Variants in SAMD12 observed in about 807,000 individuals in gnomAD.
The protein encoded by SAMD12 is sterile alpha motif domain containing 12.
In SAMD12, 9 loss-of-function variants were observed where a neutral mutation model predicts 15.0. That is an observed-to-expected ratio of 0.60 (90% CI 0.36 to 1.05). The LOEUF (loss-of-function observed/expected upper bound fraction) is 1.05. Among genes scored for constraint, SAMD12 ranks in the 50% least tolerant of loss-of-function variants. The probability of loss-of-function intolerance (pLI) is 0.01; values close to 1 mark genes in which losing one functional copy is unlikely to be tolerated. For missense variants in SAMD12, 230 were observed against 234.2 expected, an observed-to-expected ratio of 0.98 and a Z score of 0.12; for synonymous variants, 86 against 90.1, an observed-to-expected ratio of 0.96 and a Z score of 0.25.
chr8:118,271,001 T>TG (rs755731152), intron 4 of SAMD12, among the ~76,000 whole-genome samples: 11 of 152,258 alleles, frequency 7.2e-5, no homozygotes, highest in Non-Finnish European at 1.6e-4. Context: ...AAATGGAGCA[T>TG]GGGGAAGTTA....
chr8:118,155,347 G>A, the SAMD12 span, among the ~76,000 whole-genome samples: 3 of 152,166 alleles, frequency 2.0e-5, no homozygotes, highest in African/African-American at 4.8e-5. Flanking sequence ...GAACGTGCTC[G>A]ATGAACAGTG....
chr8:118,348,029 C>G (rs1388319630), intron 4 of SAMD12, among the ~76,000 whole-genome samples: 1 of 152,184 alleles, frequency 6.6e-6, no homozygotes, highest in African/African-American at 2.4e-5. Flanking sequence ...AAAACAAGAA[C>G]AGTGCTTAGG....
chr8:118,381,358 C>G (rs2130718117), intron 3 of SAMD12, among the ~76,000 whole-genome samples: 1 of 152,298 alleles, frequency 6.6e-6, no homozygotes. Context: ...AGGACAAAAT[C>G]AGACTCGAGT....
At chr8:118,529,038 C>G (rs1029984654) in intron 2 of SAMD12, among the ~76,000 whole-genome samples, 2 of 152,222 alleles carry the variant, frequency 1.3e-5, no homozygotes, top group Non-Finnish European at 2.9e-5. Context: ...TCCTGGTCCT[C>G]TGGCAAGAAA....
chr8:118,455,645 C>G (rs1397851277), intron 2 of SAMD12, among the ~76,000 whole-genome samples: 2 of 152,112 alleles, frequency 1.3e-5, no homozygotes, highest in Non-Finnish European at 2.9e-5. Flanking sequence ...CCATCTTTAC[C>G]AGCTGCCTAC....
At chr8:118,193,399 T>G (rs767754100) in exon 5 of SAMD12, 3 of 152,186 alleles carry the variant, frequency 2.0e-5, no homozygotes, top group Non-Finnish European at 4.4e-5. Flanking sequence ...AGGAATCATG[T>G]GCGTTGATAA....
chr8:118,445,284 T>C (rs1291952736), intron 2 of SAMD12, among the ~76,000 whole-genome samples: 1 of 152,194 alleles, frequency 6.6e-6, no homozygotes, highest in Admixed American at 6.5e-5. Flanking sequence ...ATACTTGATA[T>C]ATGAATTAAT....
At chr8:118,306,759 A>G (rs1815370686) in intron 4 of SAMD12, among the ~76,000 whole-genome samples, 1 of 152,148 alleles carries the variant, frequency 6.6e-6, no homozygotes, top group Non-Finnish European at 1.5e-5. Context: ...CCAAATCATG[A>G]GCTCTGTGTC....
chr8:118,211,944 A>G (rs1485972137), intron 4 of SAMD12, among the ~76,000 whole-genome samples: 1 of 152,182 alleles, frequency 6.6e-6, no homozygotes, highest in Non-Finnish European at 1.5e-5. Flanking sequence ...TAAGGAAGAT[A>G]ACAAATTCTT....
chr8:118,591,384 G>A (rs543565512), intron 1 of SAMD12, among the ~76,000 whole-genome samples: 8 of 151,990 alleles, frequency 5.3e-5, no homozygotes, highest in South Asian at 2.1e-4. Context: ...CTGTAAAATG[G>A]CAATACTAAT....
intron 3 of SAMD12, among the ~76,000 whole-genome samples, chr8:118,413,836 T>G (rs1373018796): frequency 1.3e-5 from 2 of 151,006 alleles, no homozygotes; most frequent in Non-Finnish European, 2.9e-5. Context: ...AATACACATT[T>G]TATAACATTG....
chr8:118,480,904 T>A (rs1442757294), intron 2 of SAMD12, among the ~76,000 whole-genome samples: 1 of 152,128 alleles, frequency 6.6e-6, no homozygotes, highest in Non-Finnish European at 1.5e-5. Context: ...TCTCCATTGA[T>A]CTTGGCAAAA....
the SAMD12 span, among the ~76,000 whole-genome samples, chr8:118,165,625 T>TATATATATAC: frequency 6.9e-6 from 1 of 144,092 alleles, no homozygotes. Context: ...TATATATATA[T>TATATATATAC]ATATATATAT....
At chr8:118,615,473 G>A (rs995210373) in intron 1 of SAMD12, among the ~76,000 whole-genome samples, 1 of 152,136 alleles carries the variant, frequency 6.6e-6, no homozygotes, top group African/African-American at 2.4e-5. Context: ...ACCACATCTC[G>A]TAGAGTTCCT....
intron 2 of SAMD12, among the ~76,000 whole-genome samples, chr8:118,461,456 G>A (rs567417614): frequency 5.9e-5 from 9 of 152,222 alleles, no homozygotes; most frequent in Non-Finnish European, 1.3e-4. Flanking sequence ...GATGTACAAA[G>A]AACCTCAACA....
At chr8:118,225,295 G>T (rs562948440) in intron 4 of SAMD12, among the ~76,000 whole-genome samples, 22 of 152,118 alleles carry the variant, frequency 1.4e-4, no homozygotes, top group African/African-American at 4.8e-4. Flanking sequence ...TGCTATGTAG[G>T]CACAGGTGTA....
intron 2 of SAMD12, among the ~76,000 whole-genome samples, chr8:118,453,154 C>T (rs944632223): frequency 6.6e-6 from 1 of 152,092 alleles, no homozygotes; most frequent in Non-Finnish European, 1.5e-5. Context: ...CTGTCATCTA[C>T]AATATTACTT....
rs529082771 is a variant in SAMD12 at position 118,437,209 on chromosome 8, G to A, written c.322+2623C>T. Among the ~76,000 whole-genome samples, 93 of 152,276 alleles carry A rather than the reference G, an allele frequency of 6.1e-4. 1 individual carries two copies. The highest frequency in any genetic ancestry group is 2.2e-3 in the African/African-American group (91 of 41,556). Reference sequence around the variant, plus strand: ...CCCGAAAGCTATTTTCTGGCCACTTGGCACTTGTGATCATTTGGGTATTTT... The same window carrying A: ...CCCGAAAGCTATTTTCTGGCCACTTAGCACTTGTGATCATTTGGGTATTTT... On this transcript the variant is annotated intron_variant, in intron 3 of 3. Coordinates refer to ENST00000314727, the MANE Select transcript of SAMD12 (RefSeq NM_207506.3).
At chr8:118,558,488 C>A (rs993149860) in intron 2 of SAMD12, among the ~76,000 whole-genome samples, 3 of 152,184 alleles carry the variant, frequency 2.0e-5, no homozygotes, top group Non-Finnish European at 4.4e-5. Flanking sequence ...GGCAAGGATG[C>A]ACTGCTAGAC....
Sources: gnomAD v4.1 joint callset for allele counts (sites outside exome capture counted in the v4.1 genomes callset) on GRCh38, gnomAD v4.1.1 for gene constraint, MANE v1.5 for transcripts, NCBI Gene and HGNC (gene_info 2026-07-23, HGNC 2026-07-21) for gene names.